Variants in COL14A1 observed in about 807,000 individuals in gnomAD.
COL14A1 encodes collagen alpha-1(XIV) chain.
COL14A1 carries 136 observed loss-of-function variants against 230.3 expected under a neutral mutation model. The observed-to-expected ratio is 0.59, with a 90% CI of 0.51 to 0.68. The LOEUF (loss-of-function observed/expected upper bound fraction) is 0.68, where lower values mean the gene tolerates loss of function less well. Ranked by LOEUF, COL14A1 falls within the 30% of genes least tolerant of loss-of-function variation. The pLI is 0.00. For missense variants in COL14A1, 1,976 were observed against 2,215.8 expected (o/e 0.89, Z 2.17); for synonymous variants, 792 against 784.1 (o/e 1.01, Z -0.17).
chr8:120,181,916 C>A (rs1157570939), intron 5 of COL14A1, among the ~76,000 whole-genome samples: 1 of 152,172 alleles, frequency 6.6e-6, no homozygotes. Flanking sequence ...GGCACCACTG[C>A]ACTCCAGCCT....
chr8:120,169,279 A>C (rs1168990291), intron 5 of COL14A1, among the ~76,000 whole-genome samples: 1 of 152,198 alleles, frequency 6.6e-6, no homozygotes, highest in African/African-American at 2.4e-5. Flanking sequence ...TAGATTGCCA[A>C]ATTGATAGAT....
chr8:120,321,130 G>A (rs1463065397), intron 40 of COL14A1, among the ~76,000 whole-genome samples: 1 of 152,124 alleles, frequency 6.6e-6, no homozygotes, highest in Non-Finnish European at 1.5e-5. Flanking sequence ...TATTTAATAA[G>A]CAGGACTTCA....
chr8:120,355,103 G>A (rs572417358), intron 45 of COL14A1, among the ~76,000 whole-genome samples: 1 of 152,302 alleles, frequency 6.6e-6, no homozygotes, highest in Admixed American at 6.5e-5. Flanking sequence ...GGACAATCCA[G>A]TGATTGACTA....
intron 1 of COL14A1, among the ~76,000 whole-genome samples, chr8:120,144,751 T>G (rs934761395): frequency 1.3e-5 from 2 of 152,188 alleles, no homozygotes; most frequent in African/African-American, 2.4e-5. Flanking sequence ...TTCAGAATGG[T>G]GGTCCATTAA....
chr8:120,316,821 A>G (rs1821251446), intron 40 of COL14A1, among the ~76,000 whole-genome samples: 1 of 152,102 alleles, frequency 6.6e-6, no homozygotes, highest in African/African-American at 2.4e-5. Context: ...GGGAAGGTGG[A>G]GCATTTCCAA....
At chr8:120,226,868 A>C (rs533166798) in intron 16 of COL14A1, 102 bp downstream of exon 16, 9 of 1,061,382 alleles carry the variant, frequency 8.5e-6, no homozygotes, top group Non-Finnish European at 1.2e-5. Context: ...GAATCCCAGA[A>C]GTAATTAGTA....
chr8:120,128,554 G>A (rs2130369162), intron 1 of COL14A1, among the ~76,000 whole-genome samples: 1 of 152,242 alleles, frequency 6.6e-6, no homozygotes, highest in African/African-American at 2.4e-5. Flanking sequence ...GGCCAACATG[G>A]CAAAACCCCA....
At chr8:120,365,571 C>A (rs913661647) in intron 45 of COL14A1, among the ~76,000 whole-genome samples, 16 of 152,186 alleles carry the variant, frequency 1.1e-4, no homozygotes, top group Admixed American at 2.0e-4. Context: ...GCCCAGTAGG[C>A]TTCCACAGCA....
chr8:120,180,471 T>A (rs538642443), intron 5 of COL14A1, among the ~76,000 whole-genome samples: 1 of 152,302 alleles, frequency 6.6e-6, no homozygotes, highest in African/African-American at 2.4e-5. Flanking sequence ...CTAACTAGTT[T>A]AAGGACAGAA....
rs1340977793 is a variant in COL14A1 at position 120,371,599 on chromosome 8, T to C, written c.*368T>C. 5.0e-6 allele frequency: 2 copies of C among 398,468 alleles called. No individual in the cohort carries two copies. Among genetic ancestry groups the C allele is most frequent in the African/African-American group, 4.1e-5 (2 of 48,590 alleles). 24.7% of individuals were successfully genotyped at this position (398,468 alleles called of 1,614,324 possible). A position where few individuals can be genotyped will look rare whatever the true frequency, so the allele number is the denominator to read the frequency against. On this transcript the variant is annotated 3_prime_UTR_variant, in exon 48 of 48. Coordinates refer to ENST00000297848, the MANE Select transcript of COL14A1 (RefSeq NM_021110.4). ...GATATGATTGTGTTTGAGGGAAATA[T>C]GTCCCTAGCAGGAAAAGAATTCAAA...
chr8:120,207,167 A>G (rs749736315), intron 10 of COL14A1, 73 bp downstream of exon 10: 11 of 1,224,716 alleles, frequency 9.0e-6, no homozygotes, highest in African/African-American at 1.6e-5. Context: ...AGAACAAGGC[A>G]GAAATATAAA....
At chr8:120,309,908 C>A in intron 36 of COL14A1, 101 bp from the exon 37 acceptor site, 2 of 1,161,292 alleles carry the variant, frequency 1.7e-6, no homozygotes, top group Non-Finnish European at 2.5e-6. Context: ...TTGGCCTTTA[C>A]ATAAAATAAT....
intron 23 of COL14A1, 75 bp from the exon 24 acceptor site, chr8:120,262,793 C>T: frequency 6.9e-7 from 1 of 1,456,444 alleles, no homozygotes; most frequent in Middle Eastern, 2.5e-4. Context: ...ATTTTAGAAG[C>T]AAATCATCTG....
At chr8:120,316,668 G>C (rs1290493545) in intron 40 of COL14A1, among the ~76,000 whole-genome samples, 1 of 152,092 alleles carries the variant, frequency 6.6e-6, no homozygotes, top group South Asian at 2.1e-4. Context: ...AACCAAGCTA[G>C]ACTTGGAGGC....
At chr8:120,332,313 C>T (rs1202797685) in intron 41 of COL14A1, 119 bp downstream of exon 41, 1 of 914,874 alleles carries the variant, frequency 1.1e-6, no homozygotes, top group African/African-American at 1.7e-5. Context: ...TGTGACAACT[C>T]ATCCCTTGAT....
At chr8:120,301,485 A>G (rs1270232931) in intron 36 of COL14A1, among the ~76,000 whole-genome samples, 1 of 152,060 alleles carries the variant, frequency 6.6e-6, no homozygotes, top group Non-Finnish European at 1.5e-5. Flanking sequence ...TTAGTTTCCT[A>G]AGGATAATGG....
rs929214862 is a variant in COL14A1 at position 120,370,563 on chromosome 8, A to G, written c.5312-589A>G. On this transcript the variant is annotated intron_variant, in intron 47 of 47. Coordinates refer to ENST00000297848, the MANE Select transcript of COL14A1 (RefSeq NM_021110.4). ...GCTCCAAACATGATGGAGTGATAAC[A>G]TCGGAACTTAACCAAATCATATATG... 6.8e-6 allele frequency: 10 copies of G among 1,460,162 alleles called. No homozygotes were observed. The African/African-American group carries it at 1.3e-4, about 19-fold the overall frequency. The allele number at this position is 1,460,162 out of a possible 1,614,324, so 90.5% of individuals were successfully genotyped here.
At position 120,298,797 on chromosome 8, in the gene COL14A1, CG is replaced by C. The variant is rs1450616643; in HGVS notation, c.4314+1210del. Among the ~76,000 whole-genome samples, 5 of 150,492 alleles carry C rather than the reference CG, an allele frequency of 3.3e-5. No homozygotes were observed. In the East Asian group the frequency reaches 9.9e-4, roughly 30 times the overall value. ...AGTCTGTGAGATTTGACCTTATAAC[CG>C]TATTAGTTTGTTCTCATGCTGCTAA... On this transcript the variant is annotated intron_variant, in intron 35 of 47. Coordinates refer to ENST00000297848, the MANE Select transcript of COL14A1 (RefSeq NM_021110.4).
At chr8:120,298,597 T>TTTTATATATATA (rs576663862) in intron 35 of COL14A1, among the ~76,000 whole-genome samples, 15 of 57,982 alleles carry the variant, frequency 2.6e-4, no homozygotes, top group South Asian at 8.1e-4. Flanking sequence ...CCCATATATT[T>TTTTATATATATA]TATATATATA....
Sources: gnomAD v4.1 joint callset for allele counts (sites outside exome capture counted in the v4.1 genomes callset) on GRCh38, gnomAD v4.1.1 for gene constraint, MANE v1.5 for transcripts, NCBI Gene and HGNC (gene_info 2026-07-23, HGNC 2026-07-21) for gene names.